TRIM5: variants seen among roughly 807,000 people sequenced by gnomAD.
TRIM5 encodes the protein tripartite motif containing 5.
TRIM5 carries 31 observed loss-of-function variants against 35.6 expected under a neutral mutation model. The observed-to-expected ratio is 0.87, with a 90% CI of 0.65 to 1.18. TRIM5 has a LOEUF of 1.18. Among genes scored for constraint, TRIM5 ranks in the 50% most tolerant of loss-of-function variants. The pLI is 0.00. For synonymous variants in TRIM5, 243 were observed against 215.6 expected (o/e 1.13, Z -1.11); for missense variants, 609 against 591.6 (o/e 1.03, Z -0.31).
At chr11:5,621,716 G>A in the TRIM5 span, among the ~76,000 whole-genome samples, 1 of 152,126 alleles carries the variant, frequency 6.6e-6, no homozygotes, top group Non-Finnish European at 1.5e-5. Context: ...TCTATTCAAA[G>A]TCATCCCTCT....
At chr11:5,638,697 G>A in the TRIM5 span, among the ~76,000 whole-genome samples, 1 of 152,192 alleles carries the variant, frequency 6.6e-6, no homozygotes, top group Non-Finnish European at 1.5e-5. Flanking sequence ...TATGGCTGGA[G>A]AACAGCTTAT....
At chr11:5,642,288 A>G in the TRIM5 span, 2 of 820,728 alleles carry the variant, frequency 2.4e-6, no homozygotes, top group South Asian at 4.4e-5. Flanking sequence ...CCCCCTCCTC[A>G]GGCTCAGGGA....
intron 5 of TRIM5, 49 bp downstream of exon 5, chr11:5,667,640 A>T (rs748905630): frequency 2.1e-5 from 34 of 1,598,456 alleles, no homozygotes; most frequent in Non-Finnish European, 2.6e-5. Flanking sequence ...AATGGCTATA[A>T]ATCTCTCCTC....
the TRIM5 span, among the ~76,000 whole-genome samples, chr11:5,639,710 T>C: frequency 2.3e-5 from 2 of 86,554 alleles, no homozygotes; most frequent in Non-Finnish European, 5.6e-5. Flanking sequence ...AAAAAAAAGA[T>C]TGGAAGAGGT....
At chr11:5,609,558 T>C in the TRIM5 span, among the ~76,000 whole-genome samples, 3 of 152,110 alleles carry the variant, frequency 2.0e-5, no homozygotes, top group Admixed American at 6.6e-5. Context: ...ATAACATCTC[T>C]AGGACACAGA....
the TRIM5 span, chr11:5,642,790 G>C: frequency 6.2e-7 from 1 of 1,613,552 alleles, no homozygotes; most frequent in Admixed American, 1.7e-5. Flanking sequence ...TTTCTAATCA[G>C]CATCACTGAA....
the TRIM5 span, chr11:5,610,884 G>C: frequency 3.1e-6 from 5 of 1,614,176 alleles, no homozygotes; most frequent in Non-Finnish European, 4.2e-6. Flanking sequence ...TTCCTGTCTG[G>C]AAAAGCATTA....
chr11:5,674,271 A>C (rs1254719056), intron 4 of TRIM5, among the ~76,000 whole-genome samples: 2 of 152,218 alleles, frequency 1.3e-5, no homozygotes, highest in East Asian at 3.8e-4. Flanking sequence ...AGTCTCTAGC[A>C]GTTGTCTCCC....
At chr11:5,616,330 GAA>G in the TRIM5 span, among the ~76,000 whole-genome samples, 1 of 145,734 alleles carries the variant, frequency 6.9e-6, no homozygotes, top group Non-Finnish European at 1.5e-5. Flanking sequence ...TCAAAAAAAA[GAA>G]AAGTATTTAA....
the TRIM5 span, among the ~76,000 whole-genome samples, chr11:5,593,531 T>A: frequency 1.3e-5 from 2 of 151,108 alleles, no homozygotes; most frequent in African/African-American, 4.8e-5. Flanking sequence ...CCTGAGTTTG[T>A]ATTTTTTTTA....
the TRIM5 span, among the ~76,000 whole-genome samples, chr11:5,635,020 T>C: frequency 0.013 from 1,937 of 152,218 alleles, 43 homozygotes; most frequent in African/African-American, 0.045. Flanking sequence ...TTTTTATTAA[T>C]TTATGAAGTA....
At chr11:5,669,552 C>T (rs1484715473) in intron 4 of TRIM5, among the ~76,000 whole-genome samples, 1 of 152,204 alleles carries the variant, frequency 6.6e-6, no homozygotes, top group African/African-American at 2.4e-5. Flanking sequence ...TCTACACATA[C>T]AATCAAATAG....
the TRIM5 span, chr11:5,610,664 C>T: frequency 1.3e-5 from 20 of 1,564,092 alleles, no homozygotes; most frequent in African/African-American, 2.6e-4. Context: ...ATGCCTCCCC[C>T]ATCCCCGCCA....
chr11:5,611,762 G>A, the TRIM5 span: 3 of 186,734 alleles, frequency 1.6e-5, no homozygotes, highest in East Asian at 1.3e-4. Flanking sequence ...CAGTTCTTTC[G>A]TTTTAAACAG....
chr11:5,633,476 C>G, the TRIM5 span, among the ~76,000 whole-genome samples: 5 of 152,094 alleles, frequency 3.3e-5, no homozygotes, highest in Non-Finnish European at 7.3e-5. Context: ...TCTTGCTTCT[C>G]TAAGCAGGAT....
At chr11:5,683,550 C>T (rs1316141101) in intron 1 of TRIM5, among the ~76,000 whole-genome samples, 1 of 150,092 alleles carries the variant, frequency 6.7e-6, no homozygotes, top group Non-Finnish European at 1.5e-5. Context: ...ATACACCAAT[C>T]GGCACTCTGT....
chr11:5,596,988 G>A, the TRIM5 span: 7 of 1,607,010 alleles, frequency 4.4e-6, no homozygotes, highest in Non-Finnish European at 5.9e-6. Context: ...AAAGAGATAA[G>A]GTCCTTTCCC....
At chr11:5,648,412 G>A in the TRIM5 span, among the ~76,000 whole-genome samples, 4 of 147,764 alleles carry the variant, frequency 2.7e-5, no homozygotes, top group Non-Finnish European at 6.0e-5. Context: ...TGGCTGAGGC[G>A]GGAGAATGGC....
At chr11:5,657,428 C>T in the TRIM5 span, among the ~76,000 whole-genome samples, 2 of 147,864 alleles carry the variant, frequency 1.4e-5, no homozygotes, top group South Asian at 4.2e-4. Flanking sequence ...CCTGCACGTT[C>T]TGCACATGTA....
Sources: gnomAD v4.1 joint callset for allele counts (sites outside exome capture counted in the v4.1 genomes callset) on GRCh38, gnomAD v4.1.1 for gene constraint, MANE v1.5 for transcripts, NCBI Gene and HGNC (gene_info 2026-07-23, HGNC 2026-07-21) for gene names.